Variants in COL18A1 observed in about 807,000 individuals in gnomAD.
COL18A1 encodes collagen type XVIII alpha 1 chain.
COL18A1 carries 133 observed loss-of-function variants against 168.0 expected under a neutral mutation model. The ratio of observed to expected loss-of-function variants is 0.79; its 90% CI spans 0.69 to 0.91. COL18A1 has a LOEUF of 0.91. COL18A1 is among the 40% of genes least tolerant of loss of function. The pLI is 0.00. For synonymous variants in COL18A1, 949 were observed against 809.0 expected, an observed-to-expected ratio of 1.17 and a Z score of -2.94; for missense variants, 2,126 against 1,925.4, an observed-to-expected ratio of 1.10 and a Z score of -1.95.
chr21:45,451,720 C>A (rs1256831325), intron 2 of COL18A1, among the ~76,000 whole-genome samples: 1 of 152,188 alleles, frequency 6.6e-6, no homozygotes, highest in Non-Finnish European at 1.5e-5. Context: ...GAAGGTCGAT[C>A]TCAGGCCTCA....
chr21:45,471,189 G>A lies in COL18A1; in HGVS notation c.651+2403G>A, dbSNP rs933345745. On this transcript the variant is annotated intron_variant, in intron 3 of 41. Transcript: ENST00000651438. This position sits in a 1 kb window ranked among gnomAD's most constrained non-coding sequence, Gnocchi z 4.4. ...CCGTGTGCTGCTGGGCGTGGGTGGCGCGCTATGGGCCGTGTGCTGAGGGCT... is the reference window on the plus strand; with the variant it reads ...CCGTGTGCTGCTGGGCGTGGGTGGCACGCTATGGGCCGTGTGCTGAGGGCT... 7.9e-5 allele frequency among the ~76,000 whole-genome samples: 12 copies of A among 152,092 alleles called. No individual in the cohort carries two copies. The highest frequency in any genetic ancestry group is 1.9e-4 in the East Asian group (1 of 5,178).
At chr21:45,484,169 C>T (rs1297409705) in intron 15 of COL18A1, among the ~76,000 whole-genome samples, 4 of 143,614 alleles carry the variant, frequency 2.8e-5, no homozygotes, top group African/African-American at 5.3e-5. Context: ...CATATGTACA[C>T]GCGCACACAC....
chr21:45,497,632 A>G lies in COL18A1; in HGVS notation c.2654A>G (p.Lys885Arg). 6.4e-7 allele frequency: 1 copy of G among 1,570,316 alleles called. No individual in the cohort carries two copies. Among genetic ancestry groups the G allele is most frequent in the East Asian group, 2.4e-5 (1 of 42,406 alleles). Reference protein sequence around the residue: ...NQGPPGPKGAKGEVGPPGPPG... With the variant: ...NQGPPGPKGARGEVGPPGPPG... ...GGCCCTCCAGGACCCAAGGGCGCCA[A>G]AGGAGAAGTGGGCCCCCCCGGACCA... The change falls in exon 32 of 42, where the codon AAA (lysine) becomes AGA (arginine). Residue 885 changes from lysine to arginine, a missense_variant. Transcript: ENST00000651438.
chr21:45,419,999 T>G, intron 2 of COL18A1: 1 of 152,076 alleles, frequency 6.6e-6, no homozygotes, highest in Non-Finnish European at 1.5e-5. Flanking sequence ...TGGTCACAAA[T>G]AATAAAAAGC....
At chr21:45,430,926 C>T (rs1260576240) in intron 2 of COL18A1, among the ~76,000 whole-genome samples, 4 of 152,220 alleles carry the variant, frequency 2.6e-5, no homozygotes, top group Non-Finnish European at 5.9e-5. Context: ...CCACCTCGCC[C>T]GCCCTTAGTC....
rs1420738923 is a variant in COL18A1 at position 45,490,103 on chromosome 21, TC to T, written c.1960-166del. 6.0e-4 allele frequency among the ~76,000 whole-genome samples: 14 copies of T among 23,176 alleles called. 3 individuals carry two copies. The highest frequency in any genetic ancestry group is 2.4e-3 in the African/African-American group (9 of 3,700). 15.2% of individuals were successfully genotyped at this position (23,176 alleles called of 152,430 possible). The stretch of plus-strand genomic sequence containing the variant: ...CCCCCGACTCCCCCCTCCCCCTGAC[TC>T]CCCCCTCCCCCACTCCTCCATCCCT... On this transcript the variant is annotated intron_variant, in intron 19 of 41. Coordinates refer to ENST00000651438, the MANE Select transcript of COL18A1 (RefSeq NM_001379500.1).
Position 45,512,487 on chromosome 21 carries a change from C to T in COL18A1, c.*89C>T, listed in dbSNP as rs1352358100. On this transcript the variant is annotated 3_prime_UTR_variant, in exon 42 of 42. Coordinates refer to ENST00000651438, the MANE Select transcript of COL18A1 (RefSeq NM_001379500.1). ...AGGGAGCGGCCGGCCAGCCCCTGGC[C>T]CCAGGACCTGGCTGCCATACTTTCC... The T allele has an allele frequency of 1.6e-6, 2 of 1,253,950 alleles. No homozygotes were observed. The highest frequency in any genetic ancestry group is 4.9e-5 in the East Asian group (2 of 40,740). 77.7% of individuals were successfully genotyped at this position (1,253,950 alleles called of 1,614,324 possible). A position where few individuals can be genotyped will look rare whatever the true frequency, so the allele number is the denominator to read the frequency against.
At chr21:45,411,276 A>G (rs2033280856) in intron 2 of COL18A1, among the ~76,000 whole-genome samples, 1 of 152,274 alleles carries the variant, frequency 6.6e-6, no homozygotes, top group African/African-American at 2.4e-5. Context: ...GACCTCTTCC[A>G]TGCTGGGGCT....
rs1277622902 is a variant in COL18A1 at position 45,443,769 on chromosome 21, G to A, written c.107-24473G>A. ...CTTTATGAGAGCAATGCGGCCCCGT[G>A]CCCCTTTACGCGGCTCTGCTGGTGG... is the stretch of plus-strand genomic sequence containing the variant. On this transcript the variant is annotated intron_variant, in intron 2 of 41. Coordinates refer to ENST00000651438, the MANE Select transcript of COL18A1 (RefSeq NM_001379500.1). This position sits in a 1 kb window ranked among gnomAD's most constrained non-coding sequence, Gnocchi z 5.2. Among the ~76,000 whole-genome samples, 1 of 152,208 alleles carries A rather than the reference G, an allele frequency of 6.6e-6. No homozygotes were observed. Among genetic ancestry groups the A allele is most frequent in the Non-Finnish European group, 1.5e-5 (1 of 68,030 alleles).
chr21:45,506,246 T>C (rs1232430832), intron 37 of COL18A1: 3 of 461,336 alleles, frequency 6.5e-6, no homozygotes, highest in Admixed American at 3.4e-5. Context: ...CAAAGATAAA[T>C]GTCACCTCAC....
chr21:45,490,212 T>TG, intron 19 of COL18A1, 63 bp from the exon 20 acceptor site: 3 of 1,395,254 alleles, frequency 2.2e-6, no homozygotes, highest in Non-Finnish European at 2.0e-6. Flanking sequence ...GGACTCCTCG[T>TG]GGGGGTCCCT....
rs192170216 is a variant in COL18A1 at position 45,470,588 on chromosome 21, G to A, written c.651+1802G>A. Among the ~76,000 whole-genome samples, 164 of 150,702 alleles carry A rather than the reference G, an allele frequency of 1.1e-3. 1 individual carries two copies. The highest frequency in any genetic ancestry group is 1.7e-3 in the Non-Finnish European group (118 of 67,808). ...TGCAACCTCTGCCTCCCAGGTTCAT[G>A]CGATTCTTCTGCCTCAGCCTCCCAA... On this transcript the variant is annotated intron_variant, in intron 3 of 41. Transcript: ENST00000651438.
chr21:45,478,473 C>T, intron 9 of COL18A1, 120 bp downstream of exon 9: 1 of 1,345,980 alleles, frequency 7.4e-7, no homozygotes, highest in Non-Finnish European at 1.1e-6. Context: ...TACAGCAAAA[C>T]CATTTTGAAA....
chr21:45,448,238 C>A (rs2034543972), intron 2 of COL18A1, among the ~76,000 whole-genome samples: 1 of 152,188 alleles, frequency 6.6e-6, no homozygotes, highest in African/African-American at 2.4e-5. Context: ...CAAGCAAACA[C>A]TTGCCACATT....
rs2034875358 is a variant in COL18A1, at chr21:45,457,430, A to G, written c.107-10812A>G. Among the ~76,000 whole-genome samples the G allele has an allele frequency of 1.3e-5, 2 of 152,116 alleles. No individual in the cohort carries two copies. Among genetic ancestry groups the G allele is most frequent in the Non-Finnish European group, 2.9e-5 (2 of 67,996 alleles). ...GGCCCGTCCTGAGAGGGAGCCTTTC[A>G]TGTCCCCCTCCCCATCCTGAAGCAC... On this transcript the variant is annotated intron_variant, in intron 2 of 41. Transcript: ENST00000651438. The surrounding 1 kb of genome is among the most constrained non-coding windows in gnomAD (Gnocchi z 4.6).
intron 8 of COL18A1, 127 bp from the exon 9 acceptor site, chr21:45,478,200 G>GGAC (rs1460969817): frequency 7.9e-7 from 1 of 1,262,538 alleles, no homozygotes; most frequent in African/African-American, 1.5e-5. Context: ...GCGGGTGCGA[G>GGAC]GACATCGGGG....
chr21:45,483,307 G>C (rs911920830), intron 15 of COL18A1, among the ~76,000 whole-genome samples: 1 of 152,326 alleles, frequency 6.6e-6, no homozygotes, highest in African/African-American at 2.4e-5. Context: ...CGGAAGGAGC[G>C]CTGAAGGCAG....
At chr21:45,455,236 G>A (rs761413914) in intron 2 of COL18A1, among the ~76,000 whole-genome samples, 24 of 152,240 alleles carry the variant, frequency 1.6e-4, no homozygotes, top group Middle Eastern at 3.2e-3. Flanking sequence ...AGCGGAGCAC[G>A]TTGGGAACCC....
intron 2 of COL18A1, among the ~76,000 whole-genome samples, chr21:45,449,973 T>C (rs961712456): frequency 8.5e-5 from 13 of 152,204 alleles, no homozygotes; most frequent in Admixed American, 6.5e-5. Context: ...CAGACAATCA[T>C]AAACTAGTTG....
Sources: gnomAD v4.1 joint callset for allele counts (sites outside exome capture counted in the v4.1 genomes callset) on GRCh38, gnomAD v4.1.1 for gene constraint, Gnocchi (gnomAD v3.1) non-coding constraint, MANE v1.5 for transcripts, NCBI Gene and HGNC (gene_info 2026-07-23, HGNC 2026-07-21) for gene names.